Variants in LYPD6B observed in about 807,000 individuals in gnomAD.
LYPD6B encodes the protein ly6/PLAUR domain-containing protein 6B.
Under a neutral mutation model 22.8 loss-of-function variants are expected in LYPD6B, and 17 were observed. The observed-to-expected ratio is 0.75, with a 90% CI of 0.51 to 1.12. The LOEUF (loss-of-function observed/expected upper bound fraction) is 1.12, where lower values mean the gene tolerates loss of function less well. Among genes scored for constraint, LYPD6B ranks in the 50% most tolerant of loss-of-function variants. LYPD6B has a pLI of 0.00. For missense variants in LYPD6B, 221 were observed against 258.3 expected, an observed-to-expected ratio of 0.86 and a Z score of 0.99; for synonymous variants, 106 against 91.6, an observed-to-expected ratio of 1.16 and a Z score of -0.90.
At chr2:149,147,689 T>C (rs1030900904) in intron 2 of LYPD6B, among the ~76,000 whole-genome samples, 4 of 152,034 alleles carry the variant, frequency 2.6e-5, no homozygotes, top group African/African-American at 9.7e-5. Context: ...AATTTTTGTA[T>C]TTTTAGTAGA....
At position 149,210,091 on chromosome 2, in the gene LYPD6B, C is replaced by T. The variant is rs1693751517; in HGVS notation, c.328+1679C>T. ...CGGCACTGATGTCCAACCTGGTAGGCCTTATCTTCATGGCTCATGCTATTG... is the reference window on the plus strand; with the variant it reads ...CGGCACTGATGTCCAACCTGGTAGGTCTTATCTTCATGGCTCATGCTATTG... On this transcript the variant is annotated intron_variant, in intron 5 of 6. Transcript: ENST00000409642. 3.9e-5 allele frequency among the ~76,000 whole-genome samples: 6 copies of T among 152,268 alleles called. No individual in the cohort carries two copies. In the South Asian group the frequency reaches 1.2e-3, roughly 32 times the overall value.
At chr2:149,193,078 C>T (rs757726870) in intron 3 of LYPD6B, among the ~76,000 whole-genome samples, 9 of 152,026 alleles carry the variant, frequency 5.9e-5, no homozygotes, top group South Asian at 2.1e-4. Flanking sequence ...AGCTGGGCAT[C>T]GGGTACAGTG....
At chr2:149,083,944 A>G (rs1685259307) in intron 1 of LYPD6B, among the ~76,000 whole-genome samples, 1 of 131,386 alleles carries the variant, frequency 7.6e-6, no homozygotes, top group South Asian at 2.5e-4. Flanking sequence ...ACAAAGAACA[A>G]AAACAAAACA....
intron 1 of LYPD6B, among the ~76,000 whole-genome samples, chr2:149,039,015 G>A (rs1682939907): frequency 6.6e-6 from 1 of 151,644 alleles, no homozygotes; most frequent in Non-Finnish European, 1.5e-5. Context: ...GCTGCCTCGA[G>A]GCGAGCAGCT....
intron 3 of LYPD6B, among the ~76,000 whole-genome samples, chr2:149,186,317 G>C (rs1692098990): frequency 6.6e-6 from 1 of 152,214 alleles, no homozygotes; most frequent in South Asian, 2.1e-4. Context: ...GAGTGGTCTG[G>C]ATAGAAGACC....
chr2:149,059,791 G>C (rs1205442287), intron 1 of LYPD6B, among the ~76,000 whole-genome samples: 1 of 152,194 alleles, frequency 6.6e-6, no homozygotes, highest in African/African-American at 2.4e-5. Flanking sequence ...TTAGTGCTCT[G>C]TAGAGAACTT....
intron 4 of LYPD6B, among the ~76,000 whole-genome samples, chr2:149,207,104 T>G (rs1359206954): frequency 6.6e-6 from 1 of 152,164 alleles, no homozygotes; most frequent in African/African-American, 2.4e-5. Flanking sequence ...CTACCAGCAT[T>G]GACTGTAAGT....
intron 1 of LYPD6B, among the ~76,000 whole-genome samples, chr2:149,112,882 T>C (rs1311977308): frequency 6.6e-6 from 1 of 152,176 alleles, no homozygotes; most frequent in East Asian, 1.9e-4. Flanking sequence ...TTCAGTATAG[T>C]TTCTGTGTTT....
At chr2:149,049,152 G>T (rs1683436901) in intron 1 of LYPD6B, among the ~76,000 whole-genome samples, 1 of 152,190 alleles carries the variant, frequency 6.6e-6, no homozygotes, top group South Asian at 2.1e-4. Context: ...TGTGCCTTCA[G>T]TGGTACACAG....
chr2:149,120,784 C>CTTTTTTTTTTTTTTT (rs567231544), intron 1 of LYPD6B, among the ~76,000 whole-genome samples: 3 of 95,554 alleles, frequency 3.1e-5, no homozygotes, highest in East Asian at 3.2e-4. Flanking sequence ...GCTACAAAGT[C>CTTTTTTTTTTTTTTT]TTTTTTTTTT....
intron 3 of LYPD6B, among the ~76,000 whole-genome samples, chr2:149,168,588 T>C (rs1690593435): frequency 6.6e-6 from 1 of 152,212 alleles, no homozygotes; most frequent in African/African-American, 2.4e-5. Context: ...GCTGTGAATA[T>C]TGAGTTCTGT....
At chr2:149,048,956 G>A (rs763625770) in intron 1 of LYPD6B, among the ~76,000 whole-genome samples, 3 of 152,110 alleles carry the variant, frequency 2.0e-5, no homozygotes, top group East Asian at 1.9e-4. Context: ...ATTAATATAC[G>A]TCAGGATTAG....
chr2:149,096,079 A>C (rs1246992965), intron 1 of LYPD6B, among the ~76,000 whole-genome samples: 1 of 152,064 alleles, frequency 6.6e-6, no homozygotes, highest in Non-Finnish European at 1.5e-5. Context: ...ACACAGAAAG[A>C]GACAGTGATG....
Position 149,042,204 on chromosome 2 carries a change from G to A in LYPD6B, c.-67+3403G>A, listed in dbSNP as rs759660418. The stretch of plus-strand genomic sequence containing the variant: ...TCTCCTGATGCTAAGTCCAAAGAGC[G>A]ATAACTTTGGTAGTTGCATTTAGTA... On this transcript the variant is annotated intron_variant, in intron 1 of 6. Transcript: ENST00000409642. 1.2e-4 allele frequency among the ~76,000 whole-genome samples: 18 copies of A among 152,230 alleles called. No individual in the cohort carries two copies. The East Asian group carries it at 1.7e-3, about 15-fold the overall frequency.
chr2:149,167,358 C>A (rs1047279740), intron 3 of LYPD6B, among the ~76,000 whole-genome samples: 1 of 152,178 alleles, frequency 6.6e-6, no homozygotes. Flanking sequence ...ATCTGGCAAA[C>A]CTACCACTGT....
chr2:149,127,306 T>G (rs1378688790), intron 1 of LYPD6B, among the ~76,000 whole-genome samples: 1 of 152,228 alleles, frequency 6.6e-6, no homozygotes, highest in African/African-American at 2.4e-5. Flanking sequence ...TTGATAAAAT[T>G]TAACAGTATC....
intron 2 of LYPD6B, among the ~76,000 whole-genome samples, chr2:149,133,134 G>A (rs1364796662): frequency 1.3e-5 from 2 of 152,080 alleles, no homozygotes; most frequent in Non-Finnish European, 2.9e-5. Context: ...GAATGTCTTT[G>A]GCTAGAGCGA....
chr2:149,194,500 C>T (rs2106081424), intron 3 of LYPD6B, among the ~76,000 whole-genome samples: 1 of 152,254 alleles, frequency 6.6e-6, no homozygotes, highest in East Asian at 1.9e-4. Context: ...CCAGTGCTAG[C>T]AGCAGAGAAA....
intron 3 of LYPD6B, among the ~76,000 whole-genome samples, chr2:149,175,323 A>G (rs1691216340): frequency 6.6e-6 from 1 of 152,148 alleles, no homozygotes; most frequent in African/African-American, 2.4e-5. Context: ...GCATCCAAAT[A>G]TATCTAAACA....
Sources: allele counts gnomAD v4.1 joint callset (sites outside exome capture counted in the v4.1 genomes callset), GRCh38; gene constraint gnomAD v4.1.1; transcripts MANE v1.5; gene names NCBI Gene and HGNC (gene_info 2026-07-23, HGNC 2026-07-21).